The following RERG variants were observed in gnomAD, a reference collection of about 807,000 sequenced individuals.
The protein encoded by RERG is RAS like estrogen regulated growth inhibitor.
In RERG, 25 loss-of-function variants were observed where a neutral mutation model predicts 23.2. The observed-to-expected ratio is 1.08, with a 90% confidence interval of 0.79 to 1.50. The LOEUF (loss-of-function observed/expected upper bound fraction) is 1.50, where lower values mean the gene tolerates loss of function less well. Ranked by LOEUF, RERG falls within the 40% of genes most tolerant of loss-of-function variation. RERG has a pLI of 0.00. For missense variants in RERG, 253 were observed against 250.1 expected (o/e 1.01, Z -0.08); for synonymous variants, 81 against 89.1 (o/e 0.91, Z 0.51).
At position 15,193,660 on chromosome 12, in the gene RERG, C is replaced by G. The variant is rs556074180; in HGVS notation, c.61+23769G>C. Reference sequence around the variant, plus strand: ...GACAGCTTTAGAAACTTTTATGGGTCCACAATATAATAATGAACACATGAC... The same window carrying G: ...GACAGCTTTAGAAACTTTTATGGGTGCACAATATAATAATGAACACATGAC... On this transcript the variant is annotated intron_variant, in intron 2 of 4. Coordinates refer to ENST00000256953, the MANE Select transcript of RERG (RefSeq NM_032918.3). Among the ~76,000 whole-genome samples, 32 of 152,166 alleles carry G rather than the reference C, an allele frequency of 2.1e-4. 1 individual carries two copies. In the South Asian group the frequency reaches 6.7e-3, roughly 32 times the overall value.
At position 15,217,611 on chromosome 12, in the gene RERG, A is replaced by C. The variant is rs1214455806; in HGVS notation, c.-114-8T>G. On this transcript the variant is annotated splice_polypyrimidine_tract_variant and splice_region_variant and intron_variant, in intron 1 of 4. Coordinates refer to ENST00000256953, the MANE Select transcript of RERG (RefSeq NM_032918.3). ...TTGGAAGAGTCCACAATCCTTAAAC[A>C]AAAGAAATTTGGGAATTCATAAGTG... The C allele has an allele frequency of 2.8e-6, 2 of 724,060 alleles. No individual in the cohort carries two copies. The highest frequency in any genetic ancestry group is 2.3e-5 in the Admixed American group (1 of 42,750). 44.9% of individuals were successfully genotyped at this position (724,060 alleles called of 1,614,324 possible).
chr12:15,124,574 AT>A (rs559675001), intron 2 of RERG, among the ~76,000 whole-genome samples: 44 of 151,920 alleles, frequency 2.9e-4, no homozygotes, highest in Non-Finnish European at 4.1e-4. Flanking sequence ...ATATAATGCA[AT>A]TTTTTTCTAA....
chr12:15,157,665 T>A (rs1415122369), intron 2 of RERG, among the ~76,000 whole-genome samples: 1 of 152,186 alleles, frequency 6.6e-6, no homozygotes. Context: ...AGATAACTGA[T>A]GACTAGGAAA....
intron 2 of RERG, among the ~76,000 whole-genome samples, chr12:15,134,905 C>A (rs1234075997): frequency 6.6e-6 from 1 of 152,070 alleles, no homozygotes; most frequent in Non-Finnish European, 1.5e-5. Flanking sequence ...GTCACCATGC[C>A]CAGCCTCCAT....
Position 15,111,362 on chromosome 12 carries a change from T to G in RERG, c.174A>C (p.Ile58=). The change falls in exon 4 of 5, where the codon ATA becomes ATC. Residue 58 remains isoleucine (I), a synonymous_variant. Transcript: ENST00000256953. ...TIDDEVVSME[I]LDTAGQEDTI... ...TATTCACCTGACCAGCAGTGTCTAG[T>G]ATCTCCATGGAAACAACTTCATCAT... 1 of 1,612,680 alleles carries G rather than the reference T, an allele frequency of 6.2e-7. No homozygotes were observed. Among genetic ancestry groups the G allele is most frequent in the Non-Finnish European group, 8.5e-7 (1 of 1,178,890 alleles).
intron 2 of RERG, among the ~76,000 whole-genome samples, chr12:15,180,443 G>A (rs879794245): frequency 1.3e-5 from 2 of 152,026 alleles, no homozygotes; most frequent in Non-Finnish European, 2.9e-5. Flanking sequence ...TTGAGCTACT[G>A]GCAATGGCTC....
intron 2 of RERG, among the ~76,000 whole-genome samples, chr12:15,167,918 T>A (rs1436623759): frequency 1.3e-5 from 2 of 152,172 alleles, no homozygotes; most frequent in Admixed American, 1.3e-4. Context: ...AATTGCCCTT[T>A]GAAAGTTGAA....
At chr12:15,178,130 C>T (rs777851722) in intron 2 of RERG, among the ~76,000 whole-genome samples, 2 of 151,956 alleles carry the variant, frequency 1.3e-5, no homozygotes, top group South Asian at 2.1e-4. Flanking sequence ...ATAATGGAGG[C>T]GTACTTTGCA....
intron 2 of RERG, among the ~76,000 whole-genome samples, chr12:15,200,036 C>A (rs1473047538): frequency 6.6e-6 from 1 of 151,966 alleles, no homozygotes; most frequent in Non-Finnish European, 1.5e-5. Context: ...AGTGCACAAA[C>A]TTAGAATAAA....
At chr12:15,175,186 C>G (rs1293199226) in intron 2 of RERG, among the ~76,000 whole-genome samples, 1 of 146,868 alleles carries the variant, frequency 6.8e-6, no homozygotes, top group African/African-American at 2.6e-5. Context: ...TGTTTTGTAA[C>G]TTTCCTAAGC....
Position 15,121,247 on chromosome 12 carries a change from CAAAT to C in RERG, c.62-132_62-129del, listed in dbSNP as rs913561964. ...CTTTATATTTCCTTGATATATAAAA[CAAAT>C]AAATTTTTTTATGTTTATTCAAGTA... On this transcript the variant is annotated intron_variant, in intron 2 of 4. Coordinates refer to ENST00000256953, the MANE Select transcript of RERG (RefSeq NM_032918.3). 7.7e-5 allele frequency: 51 copies of C among 658,428 alleles called. No homozygotes were observed. The East Asian group carries it at 9.6e-4, about 12-fold the overall frequency. 40.8% of individuals were successfully genotyped at this position (658,428 alleles called of 1,614,324 possible).
intron 2 of RERG, among the ~76,000 whole-genome samples, chr12:15,140,006 T>C (rs1011468491): frequency 2.0e-5 from 3 of 152,206 alleles, no homozygotes; most frequent in African/African-American, 7.2e-5. Flanking sequence ...TTTATTTCTG[T>C]AGAAAATTGT....
chr12:15,191,261 C>G (rs1208191448), intron 2 of RERG, among the ~76,000 whole-genome samples: 1 of 152,110 alleles, frequency 6.6e-6, no homozygotes, highest in Non-Finnish European at 1.5e-5. Context: ...TTTACTAATT[C>G]TAGATGTAGA....
intron 2 of RERG, among the ~76,000 whole-genome samples, chr12:15,177,801 A>G (rs1864870833): frequency 1.3e-5 from 2 of 151,708 alleles, no homozygotes. Flanking sequence ...AGAAAACATG[A>G]AAAACTAAAA....
intron 2 of RERG, among the ~76,000 whole-genome samples, chr12:15,201,863 C>T (rs769585811): frequency 6.6e-6 from 1 of 151,622 alleles, no homozygotes; most frequent in Non-Finnish European, 1.5e-5. Flanking sequence ...GACTAGGGTT[C>T]ACCAAAGTTA....
intron 2 of RERG, among the ~76,000 whole-genome samples, chr12:15,186,269 G>C (rs530449065): frequency 5.3e-5 from 8 of 151,732 alleles, no homozygotes. Flanking sequence ...GTAGCATGAT[G>C]ACATCAGGAA....
chr12:15,168,798 C>A (rs1215644465), intron 2 of RERG, among the ~76,000 whole-genome samples: 1 of 152,128 alleles, frequency 6.6e-6, no homozygotes, highest in Non-Finnish European at 1.5e-5. Context: ...TGTTTCTTAA[C>A]CTTTATAACC....
chr12:15,172,849 G>A (rs1490192062), intron 2 of RERG, among the ~76,000 whole-genome samples: 1 of 151,988 alleles, frequency 6.6e-6, no homozygotes, highest in Non-Finnish European at 1.5e-5. Flanking sequence ...TTATGAGTAT[G>A]AGGGTTCTTT....
At chr12:15,201,584 T>A (rs1270306301) in intron 2 of RERG, among the ~76,000 whole-genome samples, 1 of 148,900 alleles carries the variant, frequency 6.7e-6, no homozygotes, top group East Asian at 1.9e-4. Flanking sequence ...TAGCTAATAT[T>A]AATTATTAGT....
Sources: allele counts gnomAD v4.1 joint callset (sites outside exome capture counted in the v4.1 genomes callset), GRCh38; gene constraint gnomAD v4.1.1; transcripts MANE v1.5; gene names NCBI Gene and HGNC (gene_info 2026-07-23, HGNC 2026-07-21).